DIDO1: variants seen among roughly 807,000 people sequenced by gnomAD.
The protein encoded by DIDO1 is death inducer-obliterator 1.
Under a neutral mutation model 99.4 loss-of-function variants are expected in DIDO1, and 16 were observed. The observed-to-expected ratio is 0.16, with a 90% CI of 0.11 to 0.24. The LOEUF is 0.24. DIDO1 is among the 10% of genes least tolerant of loss of function. The pLI is 1.00. For missense variants in DIDO1, 2,996 were observed against 3,014.0 expected (o/e 0.99, Z 0.14); for synonymous variants, 1,366 against 1,239.1 (o/e 1.10, Z -2.15).
chr20:62,891,243 C>T (rs2064391201), intron 14 of DIDO1, 88 bp from the exon 15 acceptor site: 3 of 1,568,118 alleles, frequency 1.9e-6, no homozygotes, highest in Admixed American at 1.8e-5. Flanking sequence ...AACAGGAAAC[C>T]TTGTCAGATC....
In DIDO1 at chr20:62,914,540, G is replaced by A. The variant is rs2065004541; in HGVS notation, c.-199-134C>T. ...GTGTGACCCACAAAGACAGCTTGGGGGTTGAAAACCAGCACGCAAGCAGTG... is the reference window on the plus strand; with the variant it reads ...GTGTGACCCACAAAGACAGCTTGGGAGTTGAAAACCAGCACGCAAGCAGTG... On this transcript the variant is annotated intron_variant, in intron 1 of 15. Transcript: ENST00000395343. 3 of 152,320 alleles carry A rather than the reference G, an allele frequency of 2.0e-5. No individual in the cohort carries two copies. The East Asian group carries it at 5.8e-4, about 29-fold the overall frequency. The allele number at this position is 152,320 out of a possible 1,614,324, so 9.4% of individuals were successfully genotyped here. A position where few individuals can be genotyped will look rare whatever the true frequency, so the allele number is the denominator to read the frequency against.
chr20:62,917,720 T>C (rs560887370), intron 1 of DIDO1, among the ~76,000 whole-genome samples: 1 of 152,344 alleles, frequency 6.6e-6, no homozygotes, highest in Non-Finnish European at 1.5e-5. Context: ...AAAAAATTAA[T>C]ATTTACTGCA....
intron 15 of DIDO1, among the ~76,000 whole-genome samples, chr20:62,884,522 G>A (rs1289005811): frequency 6.6e-6 from 1 of 152,220 alleles, no homozygotes; most frequent in African/African-American, 2.4e-5. Flanking sequence ...AAACCAGTAT[G>A]ATTTCCCGTG....
Position 62,933,744 on chromosome 20 carries a change from G to A in DIDO1, c.-200+4052C>T, listed in dbSNP as rs539889900. On this transcript the variant is annotated intron_variant, in intron 1 of 15. Transcript: ENST00000266070. ...AAATTAGCTGGGTGTGGTGGCTTCC[G>A]CCTGTAGTCCCAGCTACTCAAGAGG... 5.3e-5 allele frequency among the ~76,000 whole-genome samples: 8 copies of A among 152,196 alleles called. No individual in the cohort carries two copies. The South Asian group carries it at 8.3e-4, about 16-fold the overall frequency.
chr20:62,894,524 C>T lies in DIDO1; in HGVS notation c.2461G>A (p.Val821Ile). ...AGCGGCGCTGTGCTCTTCTCAGGGACAGCACGTGCTGACTCTTGCTGTTCC... is the reference window on the plus strand; with the variant it reads ...AGCGGCGCTGTGCTCTTCTCAGGGATAGCACGTGCTGACTCTTGCTGTTCC... ...SEEQQESARA[V>I]PEKSTAPLLD... Residue 821 changes from valine (V) to isoleucine (I), a missense_variant, in exon 11 of 16, where the codon GTC (valine) becomes ATC (isoleucine). Val to Ile is a conservative substitution (Grantham distance 29). Transcript: ENST00000395343. The surrounding 1 kb of genome is among the most constrained non-coding windows in gnomAD (Gnocchi z 4.4). 1 of 1,612,686 alleles carries T rather than the reference C, an allele frequency of 6.2e-7. No individual in the cohort carries two copies. The highest frequency in any genetic ancestry group is 8.5e-7 in the Non-Finnish European group (1 of 1,179,986).
chr20:62,888,181 T>A, intron 15 of DIDO1: 1 of 985,500 alleles, frequency 1.0e-6, no homozygotes, highest in East Asian at 1.1e-4. Flanking sequence ...GGGCTAGGAC[T>A]GGACACCACG....
rs1334167926 is a variant in DIDO1, at chr20:62,892,994, T to C, written c.3102-32A>G. ...AACAAAACCATAAAAAAAAAGTCAA[T>C]GTCTCTCTGTGCAATGAGAATTTCA... On this transcript the variant is annotated intron_variant, in intron 12 of 15. Transcript: ENST00000395343. The C allele has an allele frequency of 3.8e-6, 6 of 1,587,482 alleles. No homozygotes were observed. In the South Asian group the frequency reaches 6.8e-5, roughly 18 times the overall value.
chr20:62,907,949 G>A (rs1463707514), intron 4 of DIDO1, among the ~76,000 whole-genome samples: 1 of 152,146 alleles, frequency 6.6e-6, no homozygotes, highest in Non-Finnish European at 1.5e-5. Context: ...TAATTTTTCA[G>A]TGTAAGTATG....
intron 6 of DIDO1, among the ~76,000 whole-genome samples, chr20:62,897,852 G>A (rs574685616): frequency 3.5e-4 from 54 of 152,328 alleles, no homozygotes; most frequent in African/African-American, 1.2e-3. Context: ...AGGGCTCGTT[G>A]AGGTGCACCG....
Position 62,894,551 on chromosome 20 carries a change from A to AAAAAAG in DIDO1, c.2437-9_2437-4dup. The AAAAAAG allele has an allele frequency of 1.2e-6, 2 of 1,604,586 alleles. No homozygotes were observed. The highest frequency in any genetic ancestry group is 1.1e-5 in the South Asian group (1 of 90,630). On this transcript the variant is annotated splice_region_variant and splice_polypyrimidine_tract_variant and intron_variant, in intron 10 of 15. Coordinates refer to ENST00000395343, the MANE Select transcript of DIDO1 (RefSeq NM_001193369.2). The surrounding 1 kb of genome is among the most constrained non-coding windows in gnomAD (Gnocchi z 4.4). ...GCACGTGCTGACTCTTGCTGTTCCT[A>AAAAAAG]AAAAAGAAAAAGAAAAAAAAGTGAG...
chr20:62,937,043 T>G (rs2065395539), intron 1 of DIDO1, among the ~76,000 whole-genome samples: 1 of 152,230 alleles, frequency 6.6e-6, no homozygotes, highest in South Asian at 2.1e-4. Context: ...CTCCAACCTA[T>G]TTGCCGAACT....
chr20:62,929,810 G>A (rs1448387527), upstream of DIDO1, among the ~76,000 whole-genome samples: 1 of 147,414 alleles, frequency 6.8e-6, no homozygotes, highest in African/African-American at 2.6e-5. Flanking sequence ...CGTTGTATAA[G>A]GCCAGCTAAC....
rs186826957 is a variant in DIDO1, at chr20:62,912,409, G to T, written c.-2-795C>A. ...GACACTTAGAAAACATGGTCAAGGC[G>T]ATCACTTTAAGGTATATTTCTTTTT... On this transcript the variant is annotated intron_variant, in intron 2 of 15. Transcript: ENST00000395343. Among the ~76,000 whole-genome samples, 669 of 151,152 alleles carry T rather than the reference G, an allele frequency of 4.4e-3. 5 individuals carry two copies. Among genetic ancestry groups the T allele is most frequent in the African/African-American group, 0.016 (645 of 41,078 alleles).
Position 62,911,825 on chromosome 20 carries a change from G to A in DIDO1, c.-2-211C>T, listed in dbSNP as rs374922968. Among the ~76,000 whole-genome samples the A allele has an allele frequency of 2.6e-5, 4 of 152,192 alleles. No homozygotes were observed. The highest frequency in any genetic ancestry group is 5.9e-5 in the Non-Finnish European group (4 of 68,040). ...ATTTTAATATAGTTAAACAACTAAC[G>A]TTTAGACAAAAATACAGCTAACAAA... is the stretch of plus-strand genomic sequence containing the variant. On this transcript the variant is annotated intron_variant, in intron 2 of 15. Transcript: ENST00000395343. This position sits in a 1 kb window ranked among gnomAD's most constrained non-coding sequence, Gnocchi z 7.0.
chr20:62,910,498 GAGCCAC>G (rs2064906964), intron 3 of DIDO1, among the ~76,000 whole-genome samples: 1 of 152,186 alleles, frequency 6.6e-6, no homozygotes. Flanking sequence ...CGTCTACACA[GAGCCAC>G]TGGCTGCACG....
chr20:62,932,610 A>G (rs952185002), intron 1 of DIDO1, among the ~76,000 whole-genome samples: 2 of 152,230 alleles, frequency 1.3e-5, no homozygotes, highest in Non-Finnish European at 2.9e-5. Flanking sequence ...ACTGGTCTGC[A>G]ATGGCAGGAC....
chr20:62,892,063 G>A lies in DIDO1; in HGVS notation c.3269C>T (p.Thr1090Ile). ...TGCGATCCTCCCACCAATGTGAATT[G>A]TGTCAGGCAAATCCTAAACAGAAAG... ...FDYLSEDLPD[T>I]IHIGGRIAPK... The change falls in exon 14 of 16, where the codon ACA becomes ATA. Residue 1090 changes from threonine to isoleucine, a missense_variant. Thr to Ile is a moderately conservative substitution (Grantham distance 89). This residue lies in a region of DIDO1 where 135 missense variants were observed against 202.3 expected (regional missense o/e 0.67). Transcript: ENST00000395343. 1 of 1,612,176 alleles carries A rather than the reference G, an allele frequency of 6.2e-7. No individual in the cohort carries two copies. Among genetic ancestry groups the A allele is most frequent in the Non-Finnish European group, 8.5e-7 (1 of 1,179,626 alleles).
rs771332438 is a variant in DIDO1 at position 62,896,594 on chromosome 20, G to A, written c.1991C>T (p.Ser664Leu). The A allele has an allele frequency of 8.7e-6, 14 of 1,600,226 alleles. No individual in the cohort carries two copies. Among genetic ancestry groups the A allele is most frequent in the African/African-American group, 1.3e-5 (1 of 74,140 alleles). Reference protein sequence around the residue: ...GRLGAMSAAPSQPNSQIRQNI... With the variant: ...GRLGAMSAAPLQPNSQIRQNI... ...TTGCCGAATTTGTGAATTTGGCTGC[G>A]ATGGTGCAGCACTCATAGCCCCAAG... is the stretch of plus-strand genomic sequence containing the variant. The change falls in exon 7 of 16, where the codon TCG becomes TTG. Residue 664 changes from serine (S) to leucine (L), a missense_variant. By Grantham distance (145) the Ser-to-Leu change is moderately radical. Transcript: ENST00000395343. The surrounding 1 kb of genome is among the most constrained non-coding windows in gnomAD (Gnocchi z 4.4).
chr20:62,925,494 A>C (rs1423128108), intron 1 of DIDO1, among the ~76,000 whole-genome samples: 1 of 152,192 alleles, frequency 6.6e-6, no homozygotes, highest in South Asian at 2.1e-4. Context: ...CTAGGCTCAA[A>C]TCTCATTCCA....
Sources: gnomAD v4.1 joint callset for allele counts (sites outside exome capture counted in the v4.1 genomes callset) on GRCh38, gnomAD v4.1.1 for gene constraint, gnomAD v4.1.1 regional missense constraint, Gnocchi (gnomAD v3.1) non-coding constraint, MANE v1.5 for transcripts, NCBI Gene and HGNC (gene_info 2026-07-23, HGNC 2026-07-21) for gene names.